The following CROCC variants were observed in gnomAD, a reference collection of about 807,000 sequenced individuals.
The protein encoded by CROCC is ciliary rootlet coiled-coil, rootletin.
Under a neutral mutation model 245.2 loss-of-function variants are expected in CROCC, and 180 were observed. That is an observed-to-expected ratio of 0.73 (90% CI 0.65 to 0.83). CROCC has a LOEUF of 0.83. CROCC is among the 40% of genes least tolerant of loss of function. The pLI, the probability that CROCC is intolerant of heterozygous loss-of-function variation, is 0.00. For missense variants in CROCC, 2,688 were observed against 2,779.4 expected, an observed-to-expected ratio of 0.97 and a Z score of 0.74; for synonymous variants, 1,205 against 1,241.6, an observed-to-expected ratio of 0.97 and a Z score of 0.62.
intron 8 of CROCC, among the ~76,000 whole-genome samples, chr1:16,934,840 T>C (rs1330253989): frequency 6.7e-6 from 1 of 148,964 alleles, no homozygotes; most frequent in African/African-American, 2.5e-5. Context: ...CTTCTTCTTC[T>C]TCTTTTTTTT....
chr1:16,945,048 C>T (rs193024541), intron 14 of CROCC, among the ~76,000 whole-genome samples: 311 of 152,308 alleles, frequency 2.0e-3, no homozygotes, highest in South Asian at 3.9e-3. Flanking sequence ...GCCTGACCAA[C>T]GTGGAGAAAT....
chr1:16,923,295 G>C (rs2075450913), intron 2 of CROCC, among the ~76,000 whole-genome samples: 1 of 152,290 alleles, frequency 6.6e-6, no homozygotes, highest in Non-Finnish European at 1.5e-5. Context: ...CTCAGTTGCA[G>C]CTGGTGTGCT....
At chr1:16,968,064 AG>A (rs751472975) in intron 30 of CROCC, 138 bp from the exon 31 acceptor site, 18 of 761,928 alleles carry the variant, frequency 2.4e-5, no homozygotes, top group Non-Finnish European at 3.9e-5. Context: ...AGGACCCCAG[AG>A]GGTCCCAGGC....
At chr1:16,915,347 G>GC (rs1026473459) in intron 1 of CROCC, among the ~76,000 whole-genome samples, 3 of 152,288 alleles carry the variant, frequency 2.0e-5, no homozygotes, top group Non-Finnish European at 1.5e-5. Context: ...TCTTCATGGA[G>GC]CTTTGGCCTT....
intron 8 of CROCC, among the ~76,000 whole-genome samples, chr1:16,932,795 T>C (rs1363770900): frequency 6.6e-6 from 1 of 152,294 alleles, no homozygotes; most frequent in African/African-American, 2.4e-5. Flanking sequence ...TCAGGGAGGC[T>C]GCGGAGAGAG....
intron 14 of CROCC, among the ~76,000 whole-genome samples, chr1:16,945,246 A>G (rs1001169573): frequency 2.0e-4 from 30 of 152,256 alleles, no homozygotes; most frequent in South Asian, 8.3e-4. Flanking sequence ...AAAACAAACA[A>G]TGTCACGAGG....
intron 18 of CROCC, 81 bp downstream of exon 18, chr1:16,948,605 C>A: frequency 5.4e-6 from 8 of 1,473,400 alleles, no homozygotes; most frequent in Admixed American, 2.6e-5. Context: ...CAGGCACGGG[C>A]CCCCAGGGGC....
intron 26 of CROCC, among the ~76,000 whole-genome samples, chr1:16,959,265 C>G (rs2100519695): frequency 6.6e-6 from 1 of 152,242 alleles, no homozygotes; most frequent in Admixed American, 6.5e-5. Flanking sequence ...CTCAGGTGAT[C>G]CACCTGCCTC....
At chr1:16,942,304 A>C (rs1209218423) in intron 13 of CROCC, among the ~76,000 whole-genome samples, 1 of 152,256 alleles carries the variant, frequency 6.6e-6, no homozygotes, top group Non-Finnish European at 1.5e-5. Flanking sequence ...GGCACCCTGA[A>C]GATTTTTAAG....
intron 27 of CROCC, among the ~76,000 whole-genome samples, chr1:16,964,139 T>TTC (rs1553160572): frequency 7.0e-6 from 1 of 142,990 alleles, no homozygotes; most frequent in African/African-American, 2.6e-5. Context: ...TTTTCTTTAT[T>TTC]TTTTTTTTTT....
chr1:16,922,730 A>T lies in CROCC; in HGVS notation c.128A>T (p.Gln43Leu), dbSNP rs772686400. Residue 43 changes from glutamine to leucine, a missense_variant, in exon 2 of 37, where the codon CAG becomes CTG. By Grantham distance (113) the Gln-to-Leu change is moderately radical. Around this residue, in one of 9 missense-constraint regions of CROCC, gnomAD observed 972 missense variants for 895.3 expected, o/e 1.09. Coordinates refer to ENST00000375541, the MANE Select transcript of CROCC (RefSeq NM_014675.5). The part of the protein sequence containing the change: ...LGARDLAQDA[Q>L]ITSLPALIRE... ...GCGCGGGACCTGGCCCAGGACGCTC[A>T]GATCACCAGCCTGCCTGCCCTTATC... 6.2e-7 allele frequency: 1 copy of T among 1,613,918 alleles called. No homozygotes were observed. Among genetic ancestry groups the T allele is most frequent in the South Asian group, 1.1e-5 (1 of 91,088 alleles).
chr1:16,939,830 A>G, intron 12 of CROCC, 64 bp from the exon 13 acceptor site: 1 of 1,563,912 alleles, frequency 6.4e-7, no homozygotes, highest in Non-Finnish European at 8.8e-7. Context: ...TGGAACCAGA[A>G]GAGAGTAGGT....
At chr1:16,931,459 G>GA (rs1473353853) in intron 8 of CROCC, 62 bp downstream of exon 8, 2 of 1,446,306 alleles carry the variant, frequency 1.4e-6, no homozygotes, top group African/African-American at 2.7e-5. Context: ...ATGTCCAACT[G>GA]AACTCAGTTG....
intron 1 of CROCC, 101 bp from the exon 2 acceptor site, chr1:16,922,562 G>T: frequency 6.8e-7 from 1 of 1,463,848 alleles, no homozygotes. Context: ...GGGGGCTCCT[G>T]GGGACCTGTA....
intron 3 of CROCC, among the ~76,000 whole-genome samples, chr1:16,926,006 C>G (rs909632913): frequency 1.3e-5 from 2 of 152,270 alleles, no homozygotes; most frequent in Admixed American, 6.5e-5. Flanking sequence ...GCCCTGCCCC[C>G]AGGTTGGCAG....
At chr1:16,936,332 A>G (rs550790451) in intron 8 of CROCC, among the ~76,000 whole-genome samples, 1 of 152,370 alleles carries the variant, frequency 6.6e-6, no homozygotes, top group South Asian at 2.1e-4. Context: ...CAGTGTCATG[A>G]TCTCGGCTTA....
rs759871304 is a variant in CROCC at position 16,930,491 on chromosome 1, C to T, written c.746C>T (p.Ala249Val). 5 of 1,612,304 alleles carry T rather than the reference C, an allele frequency of 3.1e-6. No individual in the cohort carries two copies. In the East Asian group the frequency reaches 8.9e-5, roughly 29 times the overall value. ...GAACAGCTGGACCAGGCAGGCTCGGCCAACCAGGCTCTGAGTGAGGACATA... is the reference window on the plus strand; with the variant it reads ...GAACAGCTGGACCAGGCAGGCTCGGTCAACCAGGCTCTGAGTGAGGACATA... ...LREQLDQAGS[A>V]NQALSEDIRK... The change falls in exon 7 of 37, where the codon GCC (alanine) becomes GTC (valine). Residue 249 changes from alanine to valine, a missense_variant. Ala to Val is a moderately conservative substitution (Grantham distance 64). Around this residue, in one of 9 missense-constraint regions of CROCC, gnomAD observed 972 missense variants for 895.3 expected, o/e 1.09. Transcript: ENST00000375541.
chr1:16,960,563 G>A (rs2076313635), intron 26 of CROCC, among the ~76,000 whole-genome samples, 195 bp from the exon 27 acceptor site: 1 of 152,218 alleles, frequency 6.6e-6, no homozygotes, highest in Non-Finnish European at 1.5e-5. Flanking sequence ...AAAGAATAAA[G>A]AGATTAATAA....
chr1:16,951,105 C>A lies in CROCC; in HGVS notation c.2989C>A (p.Arg997=). The A allele has an allele frequency of 3.2e-6, 5 of 1,553,368 alleles. No homozygotes were observed. The highest frequency in any genetic ancestry group is 4.3e-6 in the Non-Finnish European group (5 of 1,150,948). Residue 997 remains arginine, a synonymous_variant, in exon 20 of 37, where the codon CGA becomes AGA. Transcript: ENST00000375541. ...GGCAGCTCACGAGGAGGACTTACAG[C>A]GACTCCAGCGTGAAAAGGTTCAGGC... is the stretch of plus-strand genomic sequence containing the variant. The part of the protein sequence containing the change: ...QRAAHEEDLQ[R]LQREKEAAWR...
Sources: allele counts gnomAD v4.1 joint callset (sites outside exome capture counted in the v4.1 genomes callset), GRCh38; gene constraint gnomAD v4.1.1; regional missense constraint gnomAD v4.1.1; transcripts MANE v1.5; gene names NCBI Gene and HGNC (gene_info 2026-07-23, HGNC 2026-07-21).